Variants in BDP1 observed in about 807,000 individuals in gnomAD.
BDP1 encodes the protein transcription factor TFIIIB component B'' homolog.
A neutral mutation model predicts 266.6 loss-of-function variants in BDP1; 169 were observed. The ratio of observed to expected loss-of-function variants is 0.63; its 90% CI spans 0.56 to 0.72. The LOEUF is 0.72. Among genes scored for constraint, BDP1 ranks in the 30% least tolerant of loss-of-function variants. The probability of loss-of-function intolerance (pLI) is 0.00; values close to 1 mark genes in which losing one functional copy is unlikely to be tolerated. For synonymous variants in BDP1, 1,090 were observed against 1,022.4 expected (o/e 1.07, Z -1.26); for missense variants, 3,015 against 3,053.8 (o/e 0.99, Z 0.30).
chr5:71,514,945 A>T lies in BDP1; in HGVS notation c.4472A>T (p.Asp1491Val). 1.3e-6 allele frequency: 2 copies of T among 1,595,236 alleles called. No homozygotes were observed. Among genetic ancestry groups the T allele is most frequent in the South Asian group, 1.2e-5 (1 of 86,444 alleles). Residue 1491 changes from aspartate (D) to valine (V), a missense_variant and splice_region_variant, in exon 20 of 39, where the codon GAT becomes GTT. Asp to Val is a radical substitution (Grantham distance 152). Transcript: ENST00000358731. ...EQTDTLPSQH[D>V]EASLMISREK... ...TGAAATTTTTTTTCTGTCTTCTAGG[A>T]TGAAGCTTCCCTAATGATATCAAGA...
chr5:71,551,929 G>T (rs1256588360), intron 34 of BDP1, among the ~76,000 whole-genome samples: 2 of 149,812 alleles, frequency 1.3e-5, no homozygotes, highest in African/African-American at 2.5e-5. Flanking sequence ...CCTCCCGGAC[G>T]GGGCGGCTGG....
intron 21 of BDP1, among the ~76,000 whole-genome samples, chr5:71,516,895 TAAA>T (rs921144168): frequency 2.0e-5 from 3 of 148,782 alleles, no homozygotes; most frequent in Admixed American, 6.7e-5. Flanking sequence ...AGCTCTTTCT[TAAA>T]AAAAAAAATT....
At chr5:71,568,801 G>C (rs1744170104), downstream of BDP1, among the ~76,000 whole-genome samples, 1 of 152,082 alleles carries the variant, frequency 6.6e-6, no homozygotes, top group Admixed American at 6.5e-5. Context: ...TGTTATACAT[G>C]TCACATTTCA....
At position 71,546,888 on chromosome 5, in the gene BDP1, C is replaced by G. The variant is rs1463752366; in HGVS notation, c.6744+1669C>G. 4.6e-5 allele frequency among the ~76,000 whole-genome samples: 7 copies of G among 152,026 alleles called. No individual in the cohort carries two copies. The East Asian group carries it at 1.2e-3, about 25-fold the overall frequency. Reference sequence around the variant, plus strand: ...TGAGACAGAGTCTTACTCTGTCACCCAGGCTGGAGTGCAGTGGCACGATCT... The same window carrying G: ...TGAGACAGAGTCTTACTCTGTCACCGAGGCTGGAGTGCAGTGGCACGATCT... On this transcript the variant is annotated intron_variant, in intron 32 of 38. Coordinates refer to ENST00000358731, the MANE Select transcript of BDP1 (RefSeq NM_018429.3).
At chr5:71,574,854 C>T in the BDP1 span, among the ~76,000 whole-genome samples, 15 of 152,244 alleles carry the variant, frequency 9.9e-5, 1 homozygote, top group African/African-American at 3.6e-4. Context: ...CAACCAGTAG[C>T]CTCTAATAGA....
At chr5:71,499,433 A>T (rs572081111) in intron 13 of BDP1, among the ~76,000 whole-genome samples, 1 of 152,338 alleles carries the variant, frequency 6.6e-6, no homozygotes, top group South Asian at 2.1e-4. Context: ...CCTGGCCAAC[A>T]TGGCGAAATC....
intron 22 of BDP1, among the ~76,000 whole-genome samples, chr5:71,518,090 CT>C (rs1445330731): frequency 3.3e-5 from 5 of 152,124 alleles, no homozygotes; most frequent in Admixed American, 6.5e-5. Context: ...AACATTACCA[CT>C]TTTATTTATT....
intron 7 of BDP1, among the ~76,000 whole-genome samples, chr5:71,473,468 G>A (rs1762392983): frequency 6.6e-6 from 1 of 151,182 alleles, no homozygotes; most frequent in Non-Finnish European, 1.5e-5. Flanking sequence ...TTGAGACGGA[G>A]TTTCACTGTG....
intron 37 of BDP1, 61 bp downstream of exon 37, chr5:71,560,298 C>A: frequency 6.6e-7 from 1 of 1,523,406 alleles, no homozygotes; most frequent in Admixed American, 1.9e-5. Context: ...ATAACCTATA[C>A]AGAACAGATT....
intron 21 of BDP1, among the ~76,000 whole-genome samples, chr5:71,516,639 C>T (rs943941820): frequency 6.6e-6 from 1 of 152,162 alleles, no homozygotes; most frequent in African/African-American, 2.4e-5. Context: ...CGTACTATAA[C>T]TTTCTGTTAT....
downstream of BDP1, among the ~76,000 whole-genome samples, chr5:71,568,927 T>C (rs1744176129): frequency 6.6e-6 from 1 of 152,238 alleles, no homozygotes; most frequent in African/African-American, 2.4e-5. Context: ...CCTGCCACAA[T>C]AATTCAAGTT....
In BDP1 at chr5:71,539,097, AC is replaced by A; in HGVS notation, c.5929+20del. 2 of 1,561,162 alleles carry A rather than the reference AC, an allele frequency of 1.3e-6. No individual in the cohort carries two copies. Among genetic ancestry groups the A allele is most frequent in the Non-Finnish European group, 1.8e-6 (2 of 1,137,204 alleles). On this transcript the variant is annotated intron_variant, in intron 27 of 38. Transcript: ENST00000358731. Reference sequence around the variant, plus strand: ...GAACCAGGTAACTGTTATCAAGGAAACTGCTAAGACTACCTTGATTAACACT... The same window carrying A: ...GAACCAGGTAACTGTTATCAAGGAAATGCTAAGACTACCTTGATTAACACT...
At chr5:71,526,461 C>G (rs1209460474) in intron 25 of BDP1, among the ~76,000 whole-genome samples, 1 of 151,476 alleles carries the variant, frequency 6.6e-6, no homozygotes, top group Admixed American at 6.6e-5. Flanking sequence ...TACTAAAATA[C>G]AAAAATTAGC....
chr5:71,472,888 C>CTCTT (rs1554110460), intron 7 of BDP1, among the ~76,000 whole-genome samples: 53 of 53,946 alleles, frequency 9.8e-4, no homozygotes, highest in African/African-American at 2.0e-3. Context: ...CTCTCTCTCT[C>CTCTT]TTTTTTTTTT....
At position 71,514,567 on chromosome 5, in the gene BDP1, T is replaced by C. The variant is rs181770520; in HGVS notation, c.4471-377T>C. Among the ~76,000 whole-genome samples the C allele has an allele frequency of 2.4e-3, 370 of 152,352 alleles. 1 individual carries two copies. The highest frequency in any genetic ancestry group is 8.6e-3 in the African/African-American group (356 of 41,590). ...TTTCTGATTTTTCCACTTACAGTAT[T>C]GTGAGCTTCTTTTTAGATCAGTACA... On this transcript the variant is annotated intron_variant, in intron 19 of 38. Coordinates refer to ENST00000358731, the MANE Select transcript of BDP1 (RefSeq NM_018429.3).
At chr5:71,459,415 G>T (rs990908523) in intron 2 of BDP1, among the ~76,000 whole-genome samples, 3 of 152,178 alleles carry the variant, frequency 2.0e-5, no homozygotes, top group African/African-American at 7.2e-5. Flanking sequence ...GGGAGGCTGA[G>T]GCATGAGAAT....
chr5:71,526,436 G>A (rs998832655), intron 25 of BDP1, among the ~76,000 whole-genome samples: 1 of 151,736 alleles, frequency 6.6e-6, no homozygotes, highest in African/African-American at 2.4e-5. Context: ...GACCAACAAG[G>A]TGAAACCCTG....
At position 71,515,994 on chromosome 5, in the gene BDP1, A is replaced by G. The variant is rs279322; in HGVS notation, c.4650-67A>G. On this transcript the variant is annotated intron_variant, in intron 20 of 38. Coordinates refer to ENST00000358731, the MANE Select transcript of BDP1 (RefSeq NM_018429.3). Reference sequence around the variant, plus strand: ...TTATTAGAGGAGATCCAAATTTTACATTTTTACATTAGTTTTCAGCTTTTT... The same window carrying G: ...TTATTAGAGGAGATCCAAATTTTACGTTTTTACATTAGTTTTCAGCTTTTT... 0.44 allele frequency: 519,222 copies of G among 1,171,262 alleles called. 118,123 individuals carry two copies. Among genetic ancestry groups the G allele is most frequent in the South Asian group, 0.48 (32,887 of 68,278 alleles). 72.6% of individuals were successfully genotyped at this position (1,171,262 alleles called of 1,614,324 possible). A position where few individuals can be genotyped will look rare whatever the true frequency, so the allele number is the denominator to read the frequency against.
rs766174849 is a variant in BDP1 at position 71,549,385 on chromosome 5, G to C, written c.6809-35G>C. ...AATGATACTCTGTTATTTCATAGTT[G>C]AGCTTTTTTATTACTAACTTTTAAA... On this transcript the variant is annotated intron_variant, in intron 33 of 38. Coordinates refer to ENST00000358731, the MANE Select transcript of BDP1 (RefSeq NM_018429.3). The C allele has an allele frequency of 1.9e-5, 28 of 1,512,808 alleles. No individual in the cohort carries two copies. The South Asian group carries it at 3.1e-4, about 17-fold the overall frequency. The allele number at this position is 1,512,808 out of a possible 1,614,324, so 93.7% of individuals were successfully genotyped here.
Sources: allele counts gnomAD v4.1 joint callset (sites outside exome capture counted in the v4.1 genomes callset), GRCh38; gene constraint gnomAD v4.1.1; transcripts MANE v1.5; gene names NCBI Gene and HGNC (gene_info 2026-07-23, HGNC 2026-07-21).